The following DEPTOR variants were observed in gnomAD, a reference collection of about 807,000 sequenced individuals.
The protein encoded by DEPTOR is DEP domain containing MTOR interacting protein.
A neutral mutation model predicts 41.6 loss-of-function variants in DEPTOR; 41 were observed. The observed-to-expected ratio is 0.98, with a 90% confidence interval of 0.77 to 1.28. The LOEUF is 1.28. DEPTOR is among the 50% of genes most tolerant of loss of function. DEPTOR has a pLI of 0.00. For synonymous variants in DEPTOR, 195 were observed against 192.3 expected (o/e 1.01, Z -0.12); for missense variants, 514 against 527.9 (o/e 0.97, Z 0.26).
At chr8:119,913,642 TC>T (rs1203828000) in intron 1 of DEPTOR, among the ~76,000 whole-genome samples, 1 of 152,164 alleles carries the variant, frequency 6.6e-6, no homozygotes, top group Non-Finnish European at 1.5e-5. Flanking sequence ...TTCTCGTGGT[TC>T]ATCAGGGTGT....
chr8:120,040,035 G>C (rs1404789616), intron 8 of DEPTOR, among the ~76,000 whole-genome samples: 2 of 151,744 alleles, frequency 1.3e-5, no homozygotes, highest in East Asian at 3.9e-4. Flanking sequence ...GTAGAGATGG[G>C]GTTTCACCAT....
At chr8:119,907,387 G>A (rs1006928328) in intron 1 of DEPTOR, among the ~76,000 whole-genome samples, 17 of 151,984 alleles carry the variant, frequency 1.1e-4, no homozygotes, top group Admixed American at 9.8e-4. Context: ...ATATGCCTAC[G>A]GATAATATTT....
At chr8:120,030,732 T>G (rs748300062) in intron 8 of DEPTOR, among the ~76,000 whole-genome samples, 2 of 151,994 alleles carry the variant, frequency 1.3e-5, no homozygotes, top group African/African-American at 2.4e-5. Flanking sequence ...CTCTAACTCC[T>G]GACCTCAAGT....
intron 8 of DEPTOR, among the ~76,000 whole-genome samples, chr8:120,023,429 C>T (rs936090783): frequency 2.2e-4 from 34 of 151,838 alleles, no homozygotes; most frequent in African/African-American, 7.5e-4. Context: ...TTAGTAGATA[C>T]GGGGCCACCA....
intron 3 of DEPTOR, among the ~76,000 whole-genome samples, chr8:119,935,677 C>T (rs1056408715): frequency 1.3e-5 from 2 of 150,186 alleles, no homozygotes; most frequent in Non-Finnish European, 3.0e-5. Context: ...GCCAAGATCG[C>T]ACCACTGCAC....
At chr8:119,879,484 G>A (rs1586594811) in intron 1 of DEPTOR, among the ~76,000 whole-genome samples, 1 of 152,168 alleles carries the variant, frequency 6.6e-6, no homozygotes, top group Admixed American at 6.5e-5. Flanking sequence ...GGCTAAGGTG[G>A]GTGGATCACC....
At chr8:119,928,333 CTG>C in intron 1 of DEPTOR, 65 bp from the exon 2 acceptor site, 3 of 1,523,000 alleles carry the variant, frequency 2.0e-6, no homozygotes, top group Non-Finnish European at 2.7e-6. Context: ...TTATTACTGT[CTG>C]GGATTGGTTT....
In DEPTOR at chr8:119,886,456, G is replaced by GACACAC. The variant is rs765294763; in HGVS notation, c.122+12496_122+12501dup. 6.8e-5 allele frequency among the ~76,000 whole-genome samples: 6 copies of GACACAC among 87,658 alleles called. No individual in the cohort carries two copies. The East Asian group carries it at 2.4e-3, about 35-fold the overall frequency. 57.5% of individuals were successfully genotyped at this position (87,658 alleles called of 152,430 possible). A position where few individuals can be genotyped will look rare whatever the true frequency, so the allele number is the denominator to read the frequency against. ...GCATCTCCCCCAGTACACACACACA[G>GACACAC]ACACACACACACATACACATACACA... On this transcript the variant is annotated intron_variant, in intron 1 of 8. Transcript: ENST00000286234.
At chr8:120,047,828 C>T (rs943146105) in intron 8 of DEPTOR, among the ~76,000 whole-genome samples, 6 of 151,900 alleles carry the variant, frequency 3.9e-5, no homozygotes, top group Non-Finnish European at 8.8e-5. Context: ...GGAGGATCAC[C>T]GGAGGTCAAG....
chr8:119,964,393 T>A (rs1021248931), intron 3 of DEPTOR, among the ~76,000 whole-genome samples: 5 of 151,882 alleles, frequency 3.3e-5, no homozygotes, highest in Admixed American at 3.3e-4. Flanking sequence ...CATGTGCCTG[T>A]AATCCCAGCT....
chr8:119,896,917 TGAA>T (rs5894504), intron 1 of DEPTOR, among the ~76,000 whole-genome samples: 75,445 of 151,768 alleles, frequency 0.5, 20,439 homozygotes, highest in East Asian at 0.92. Flanking sequence ...ACATCACAAA[TGAA>T]GAAATATTTA....
Position 120,001,593 on chromosome 8 carries a change from CG to C in DEPTOR, c.674del (p.Arg225GlnfsTer3). The C allele has an allele frequency of 6.2e-7, 1 of 1,613,768 alleles. No individual in the cohort carries two copies. The highest frequency in any genetic ancestry group is 1.1e-5 in the South Asian group (1 of 91,046). On this transcript the variant is annotated frameshift_variant, in exon 5 of 9. Coordinates refer to ENST00000286234, the MANE Select transcript of DEPTOR (RefSeq NM_022783.4). LOFTEE classifies it high-confidence loss of function. ...GTTCAGAATGAACTTCCGGCGGAGG[CG>C]AAGACTGATGGAGCTGCTCAATGAA... ...YQFRMNFRRRRRLMELLNEKS... is the reference protein window; with the variant it reads ...YQFRMNFRRRXRLMELLNEKS...
At chr8:119,953,455 C>T (rs770201066) in intron 3 of DEPTOR, among the ~76,000 whole-genome samples, 5 of 152,066 alleles carry the variant, frequency 3.3e-5, no homozygotes, top group Non-Finnish European at 7.4e-5. Flanking sequence ...TGGTGGCACA[C>T]GCCTATAATC....
chr8:120,008,880 G>A, intron 7 of DEPTOR, 149 bp from the exon 8 acceptor site: 1 of 690,402 alleles, frequency 1.4e-6, no homozygotes, highest in Non-Finnish European at 2.5e-6. Context: ...GATAGAAGCA[G>A]TGTTCCAATC....
At chr8:119,918,971 GTA>G (rs1279633588) in intron 1 of DEPTOR, among the ~76,000 whole-genome samples, 6 of 151,076 alleles carry the variant, frequency 4.0e-5, no homozygotes, top group African/African-American at 1.5e-4. Context: ...GTGTGTATGT[GTA>G]TGTGTGTGTG....
intron 8 of DEPTOR, among the ~76,000 whole-genome samples, chr8:120,016,928 T>C (rs1242855797): frequency 6.6e-6 from 1 of 152,202 alleles, no homozygotes; most frequent in African/African-American, 2.4e-5. Flanking sequence ...GTATGAATTC[T>C]GGGAATACTC....
At chr8:119,968,592 A>G (rs576454518) in intron 4 of DEPTOR, among the ~76,000 whole-genome samples, 104 of 152,320 alleles carry the variant, frequency 6.8e-4, no homozygotes, top group African/African-American at 2.3e-3. Context: ...GTAAGCCACC[A>G]TGCCTGGCCT....
At chr8:120,023,302 G>A (rs1025470361) in intron 8 of DEPTOR, among the ~76,000 whole-genome samples, 7 of 151,752 alleles carry the variant, frequency 4.6e-5, no homozygotes, top group East Asian at 1.9e-4. Context: ...GTGCAGTGGC[G>A]CAATCTTGGC....
chr8:119,973,277 C>T (rs1828656391), intron 4 of DEPTOR, among the ~76,000 whole-genome samples: 1 of 151,980 alleles, frequency 6.6e-6, no homozygotes, highest in Non-Finnish European at 1.5e-5. Context: ...CTCTGTTGAC[C>T]AGGCTGGAGT....
Sources: gnomAD v4.1 joint callset for allele counts (sites outside exome capture counted in the v4.1 genomes callset) on GRCh38, gnomAD v4.1.1 for gene constraint, MANE v1.5 for transcripts, NCBI Gene and HGNC (gene_info 2026-07-23, HGNC 2026-07-21) for gene names.